The following FGFBP2 variants were observed in gnomAD, a reference collection of about 807,000 sequenced individuals.
FGFBP2 encodes the protein fibroblast growth factor binding protein 2.
Under a neutral mutation model 7.3 loss-of-function variants are expected in FGFBP2, and 7 were observed. That is an observed-to-expected ratio of 0.96 (90% CI 0.55 to 1.81). The LOEUF (loss-of-function observed/expected upper bound fraction) is 1.81. Ranked by LOEUF, FGFBP2 falls within the 40% of genes most tolerant of loss-of-function variation. The probability of loss-of-function intolerance (pLI) is 0.00; values close to 1 mark genes in which losing one functional copy is unlikely to be tolerated. For synonymous variants in FGFBP2, 131 were observed against 110.2 expected (o/e 1.19, Z -1.18); for missense variants, 291 against 280.1 (o/e 1.04, Z -0.28).
At position 15,963,118 on chromosome 4, in the gene FGFBP2, G is replaced by T. The variant is rs1213146509; in HGVS notation, c.12C>A (p.Val4=). The change falls in exon 1 of 2, where the codon GTC becomes GTA. Residue 4 remains valine (V), a synonymous_variant. Transcript: ENST00000259989. MKF[V]PCLLLVTLSC... ...ACAAGGTCACCAGCAGGAGGCAGGG[G>T]ACGAACTTCATGGCGATACTCCGAT... 2 of 1,597,536 alleles carry T rather than the reference G, an allele frequency of 1.3e-6. No individual in the cohort carries two copies. The highest frequency in any genetic ancestry group is 1.7e-4 in the Middle Eastern group (1 of 5,960).
chr4:15,962,736 T>C lies in FGFBP2; in HGVS notation c.394A>G (p.Ser132Gly). 1 of 1,612,962 alleles carries C rather than the reference T, an allele frequency of 6.2e-7. No individual in the cohort carries two copies. The highest frequency in any genetic ancestry group is 1.3e-5 in the African/African-American group (1 of 75,038). The change falls in exon 1 of 2, where the codon AGC becomes GGC. Residue 132 changes from serine to glycine, a missense_variant. Transcript: ENST00000259989. Reference protein sequence around the residue: ...PQAHMQQVTSSLKGSPEPNQQ... With the variant: ...PQAHMQQVTSGLKGSPEPNQQ... ...TTGGGCTCTGGGCTGCCCTTGAGGC[T>C]GGAAGTCACCTGCTGCATATGGGCC...
At position 15,962,512 on chromosome 4, in the gene FGFBP2, A is replaced by G; in HGVS notation, c.618T>C (p.Cys206=). The part of the protein sequence containing the change: ...EEAKKKAWEH[C]WKPFQALCAF... The stretch of plus-strand genomic sequence containing the variant: ...CGCACAGGGCCTGGAAGGGTTTCCA[A>G]CAATGTTCCCAGGCCTTCTTCTTTG... The change falls in exon 1 of 2, where the codon TGT becomes TGC. Residue 206 remains cysteine (C), a synonymous_variant. Transcript: ENST00000259989. The G allele has an allele frequency of 1.9e-6, 3 of 1,604,950 alleles. No individual in the cohort carries two copies. The highest frequency in any genetic ancestry group is 2.6e-6 in the Non-Finnish European group (3 of 1,174,096).
Position 15,962,800 on chromosome 4 carries a change from C to T in FGFBP2, c.330G>A (p.Pro110=), listed in dbSNP as rs370553606. 458 of 1,581,414 alleles carry T rather than the reference C, an allele frequency of 2.9e-4. No homozygotes were observed. The highest frequency in any genetic ancestry group is 1.0e-3 in the African/African-American group (74 of 74,310). Residue 110 remains proline (P), a synonymous_variant, in exon 1 of 2, where the codon CCG becomes CCA. Coordinates refer to ENST00000259989, the MANE Select transcript of FGFBP2 (RefSeq NM_031950.4). ...RRLHHACQGA[P]VLRPSVCREA... is the part of the protein sequence containing the mutation. ...CCCTGCACACGGATGGCCTAAGCAC[C>T]GGGGCCCCCTGGCACGCATGGTGAA...
chr4:15,962,078 A>G (rs1713098919), intron 1 of FGFBP2, among the ~76,000 whole-genome samples: 1 of 152,224 alleles, frequency 6.6e-6, no homozygotes. Context: ...TTCCATCACA[A>G]GGAGATTCTC....
At chr4:15,962,015 T>G (rs1713096942) in intron 1 of FGFBP2, among the ~76,000 whole-genome samples, 1 of 152,134 alleles carries the variant, frequency 6.6e-6, no homozygotes, top group African/African-American at 2.4e-5. Flanking sequence ...CTTGGTTCAT[T>G]AGGAAACGTT....
intron 1 of FGFBP2, among the ~76,000 whole-genome samples, chr4:15,962,202 A>AT (rs894608850): frequency 2.6e-4 from 40 of 151,938 alleles, no homozygotes; most frequent in African/African-American, 8.7e-4. Context: ...GGGCATCAGC[A>AT]TTTTTAGAGC....
Position 15,962,530 on chromosome 4 carries a change from C to T in FGFBP2, c.600G>A (p.Lys200=). The part of the protein sequence containing the change: ...PRPGGNEEAK[K]KAWEHCWKPF... The stretch of plus-strand genomic sequence containing the variant: ...GTTTCCAACAATGTTCCCAGGCCTT[C>T]TTCTTTGCTTCCTCATTCCCTCCGG... The change falls in exon 1 of 2, where the codon AAG becomes AAA. Residue 200 remains lysine (K), a synonymous_variant. Coordinates refer to ENST00000259989, the MANE Select transcript of FGFBP2 (RefSeq NM_031950.4). 1 of 1,611,938 alleles carries T rather than the reference C, an allele frequency of 6.2e-7. No homozygotes were observed. The highest frequency in any genetic ancestry group is 8.5e-7 in the Non-Finnish European group (1 of 1,178,414).
chr4:15,962,307 C>G, intron 1 of FGFBP2, 131 bp downstream of exon 1: 1 of 799,550 alleles, frequency 1.3e-6, no homozygotes, highest in Non-Finnish European at 1.8e-6. Flanking sequence ...GCCTCAAACC[C>G]ACCCCCAAAC....
chr4:15,961,914 G>T (rs903523236), intron 1 of FGFBP2, among the ~76,000 whole-genome samples: 5 of 152,142 alleles, frequency 3.3e-5, no homozygotes, highest in African/African-American at 1.2e-4. Flanking sequence ...ACCCTAACTT[G>T]ACTGTAGGAG....
rs1403492684 is a variant in FGFBP2 at position 15,963,157 on chromosome 4, A to C, written c.-28T>G. ...CGATACTCCGATAAACTTGCTTGCA[A>C]CTCTGCACCAGGAGAGAGAACACAA... On this transcript the variant is annotated 5_prime_UTR_variant, in exon 1 of 2. Coordinates refer to ENST00000259989, the MANE Select transcript of FGFBP2 (RefSeq NM_031950.4). The C allele has an allele frequency of 1.9e-6, 3 of 1,555,650 alleles. No individual in the cohort carries two copies.
Position 15,962,733 on chromosome 4 carries a change from GGCTGGAAGTCACCTGCT to G in FGFBP2, c.380_396del (p.Gln127ProfsTer12). On this transcript the variant is annotated frameshift_variant, in exon 1 of 2. Coordinates refer to ENST00000259989, the MANE Select transcript of FGFBP2 (RefSeq NM_031950.4). LOFTEE classifies it low-confidence loss of function (END_TRUNC). ...TGGTTGGGCTCTGGGCTGCCCTTGA[GGCTGGAAGTCACCTGCT>G]GCATATGGGCCTGGGGTCCAGCCTC... is the stretch of plus-strand genomic sequence containing the variant. 6.2e-7 allele frequency: 1 copy of G among 1,613,122 alleles called. No individual in the cohort carries two copies. Among genetic ancestry groups the G allele is most frequent in the Non-Finnish European group, 8.5e-7 (1 of 1,179,728 alleles).
At chr4:15,961,918 G>A (rs889912301) in intron 1 of FGFBP2, among the ~76,000 whole-genome samples, 15 of 152,290 alleles carry the variant, frequency 9.8e-5, no homozygotes, top group African/African-American at 3.6e-4. Flanking sequence ...TAACTTGACT[G>A]TAGGAGAAAA....
chr4:15,961,607 C>T (rs954369191), intron 1 of FGFBP2, among the ~76,000 whole-genome samples: 20 of 152,294 alleles, frequency 1.3e-4, no homozygotes, highest in Admixed American at 9.2e-4. Context: ...CTCAGAAACT[C>T]TCCTTTTAAA....
Position 15,962,829 on chromosome 4 carries a change from G to A in FGFBP2, c.301C>T (p.Arg101Cys), listed in dbSNP as rs573280165. Residue 101 changes from arginine (R) to cysteine (C), a missense_variant, in exon 1 of 2, where the codon CGC becomes TGC. Arg to Cys is a radical substitution (Grantham distance 180). Coordinates refer to ENST00000259989, the MANE Select transcript of FGFBP2 (RefSeq NM_031950.4). ...GCCCCCTGGCACGCATGGTGAAGGC[G>A]CCTCAGCTCCTGCAGGGCTTGATTC... ...YWNQALQELRRLHHACQGAPV... is the reference protein window; with the variant it reads ...YWNQALQELRCLHHACQGAPV... 53 of 1,565,560 alleles carry A rather than the reference G, an allele frequency of 3.4e-5. No individual in the cohort carries two copies. The East Asian group carries it at 3.6e-4, about 11-fold the overall frequency.
At chr4:15,962,005 C>T (rs1212431287) in intron 1 of FGFBP2, among the ~76,000 whole-genome samples, 1 of 152,158 alleles carries the variant, frequency 6.6e-6, no homozygotes, top group Non-Finnish European at 1.5e-5. Flanking sequence ...GCAGCAAATG[C>T]TTGGTTCATT....
In FGFBP2 at chr4:15,962,934, T is replaced by C. The variant is rs1305989243; in HGVS notation, c.196A>G (p.Thr66Ala). The C allele has an allele frequency of 6.2e-7, 1 of 1,604,236 alleles. No individual in the cohort carries two copies. Among genetic ancestry groups the C allele is most frequent in the Non-Finnish European group, 8.5e-7 (1 of 1,177,026 alleles). Residue 66 changes from threonine to alanine, a missense_variant, in exon 1 of 2, where the codon ACA becomes GCA. Transcript: ENST00000259989. ...TACTCACACCAGTAGGTCTGGTCTGTGTTGCGGCAGTCGACACGAAGCCAG... is the reference window on the plus strand; with the variant it reads ...TACTCACACCAGTAGGTCTGGTCTGCGTTGCGGCAGTCGACACGAAGCCAG... The part of the protein sequence containing the change: ...EVWLRVDCRN[T>A]DQTYWCEYRG...
Position 15,960,627 on chromosome 4 carries a change from A to T in FGFBP2, c.*21-16T>A, listed in dbSNP as rs958146400. The stretch of plus-strand genomic sequence containing the variant: ...GAGGTCAGATCTAAAAAAAAAAAAA[A>T]AGAAAAAAAAAGGAAGGGATGAAAA... On this transcript the variant is annotated splice_polypyrimidine_tract_variant and intron_variant, in intron 1 of 1. Transcript: ENST00000259989. 6.6e-6 allele frequency: 1 copy of T among 151,890 alleles called. No homozygotes were observed. The highest frequency in any genetic ancestry group is 1.5e-5 in the Non-Finnish European group (1 of 68,000). 9.4% of individuals were successfully genotyped at this position (151,890 alleles called of 1,614,324 possible). A position where few individuals can be genotyped will look rare whatever the true frequency, so the allele number is the denominator to read the frequency against.
In FGFBP2 at chr4:15,962,718, C is replaced by T. The variant is rs753931890; in HGVS notation, c.412G>A (p.Glu138Lys). 2 of 1,613,852 alleles carry T rather than the reference C, an allele frequency of 1.2e-6. No individual in the cohort carries two copies. Among genetic ancestry groups the T allele is most frequent in the South Asian group, 2.2e-5 (2 of 91,072 alleles). ...QVTSSLKGSP[E>K]PNQQPEAGTP... is the part of the protein sequence containing the mutation. ...CCAGCCTCAGGCTGCTGGTTGGGCT[C>T]TGGGCTGCCCTTGAGGCTGGAAGTC... Residue 138 changes from glutamate to lysine, a missense_variant, in exon 1 of 2, where the codon GAG (glutamate) becomes AAG (lysine). Transcript: ENST00000259989.
At chr4:15,962,357 G>C (rs571311658) in intron 1 of FGFBP2, 81 bp downstream of exon 1, 2 of 1,245,284 alleles carry the variant, frequency 1.6e-6, no homozygotes, top group East Asian at 5.1e-5. Context: ...AGCTGTGAAA[G>C]TGCTAAGTGC....
Sources: allele counts gnomAD v4.1 joint callset (sites outside exome capture counted in the v4.1 genomes callset), GRCh38; gene constraint gnomAD v4.1.1; transcripts MANE v1.5; gene names NCBI Gene and HGNC (gene_info 2026-07-23, HGNC 2026-07-21).